Variants in SP140 observed in about 807,000 individuals in gnomAD.
SP140 encodes the protein SP140 nuclear body protein.
SP140 carries 81 observed loss-of-function variants against 125.0 expected under a neutral mutation model. The ratio of observed to expected loss-of-function variants is 0.65; its 90% confidence interval spans 0.54 to 0.78. The LOEUF (loss-of-function observed/expected upper bound fraction) is 0.78. Among genes scored for constraint, SP140 ranks in the 30% least tolerant of loss-of-function variants. The pLI is 0.00. For synonymous variants in SP140, 312 were observed against 354.0 expected (o/e 0.88, Z 1.33); for missense variants, 858 against 1,037.0 (o/e 0.83, Z 2.37).
At chr2:230,252,899 A>G (rs890533890) in intron 10 of SP140, among the ~76,000 whole-genome samples, 5 of 152,100 alleles carry the variant, frequency 3.3e-5, no homozygotes, top group Non-Finnish European at 7.4e-5. Flanking sequence ...TGAACCAGGG[A>G]TCAATGTAAG....
chr2:230,311,971 A>T (rs1256771558), intron 26 of SP140, among the ~76,000 whole-genome samples: 1 of 152,200 alleles, frequency 6.6e-6, no homozygotes, highest in Non-Finnish European at 1.5e-5. Context: ...GATTCTTTGC[A>T]TGTGAATAGA....
the SP140 span, among the ~76,000 whole-genome samples, chr2:230,194,763 A>C: frequency 6.6e-6 from 1 of 152,216 alleles, no homozygotes; most frequent in Non-Finnish European, 1.5e-5. Context: ...CTCTGACCCT[A>C]GACAGGAAAC....
chr2:230,288,932 G>A (rs578257208), intron 18 of SP140, among the ~76,000 whole-genome samples: 16 of 152,258 alleles, frequency 1.1e-4, no homozygotes, highest in Admixed American at 2.0e-4. Flanking sequence ...ATAAACACAC[G>A]TGTGTGTGTC....
At chr2:230,212,489 G>T in intron 1 of SP140, 1 of 1,376,636 alleles carries the variant, frequency 7.3e-7, no homozygotes, top group South Asian at 1.2e-5. Context: ...GGAGAAGAGT[G>T]AATGTTAAAA....
chr2:230,278,982 T>C (rs2149402304), intron 15 of SP140, among the ~76,000 whole-genome samples: 1 of 152,186 alleles, frequency 6.6e-6, no homozygotes, highest in Middle Eastern at 3.4e-3. Context: ...AACAAATGAA[T>C]TAGTAAGGTT....
chr2:230,216,667 C>G (rs973565920), intron 3 of SP140: 66 of 1,270,886 alleles, frequency 5.2e-5, no homozygotes, highest in Non-Finnish European at 6.9e-5. Flanking sequence ...AATGAACATG[C>G]CTGGGCTGGG....
chr2:230,223,987 T>C (rs78384679), upstream of SP140, among the ~76,000 whole-genome samples: 37 of 152,304 alleles, frequency 2.4e-4, 1 homozygote, highest in African/African-American at 8.2e-4. Context: ...CCAGAGATGG[T>C]CTGATGGTCC....
chr2:230,235,393 C>A (rs1451942488), intron 1 of SP140, among the ~76,000 whole-genome samples: 1 of 152,202 alleles, frequency 6.6e-6, no homozygotes, highest in East Asian at 1.9e-4. Flanking sequence ...ATCATTGTAA[C>A]TTTAATTCCT....
At chr2:230,250,153 T>C (rs2050139055) in intron 9 of SP140, among the ~76,000 whole-genome samples, 1 of 152,242 alleles carries the variant, frequency 6.6e-6, no homozygotes, top group South Asian at 2.1e-4. Flanking sequence ...GAATATCCTG[T>C]TTGCTCTTCT....
At chr2:230,258,349 T>C (rs2051606494) in intron 12 of SP140, among the ~76,000 whole-genome samples, 1 of 152,210 alleles carries the variant, frequency 6.6e-6, no homozygotes, top group Admixed American at 6.5e-5. Context: ...AAAGTAATGA[T>C]GTTTTACAAT....
intron 3 of SP140, among the ~76,000 whole-genome samples, chr2:230,215,899 A>C (rs2045110029): frequency 6.6e-6 from 1 of 152,208 alleles, no homozygotes; most frequent in South Asian, 2.1e-4. Context: ...TCTTCATGAG[A>C]TGAGTTGGCC....
At chr2:230,253,459 GT>G in intron 11 of SP140, 42 bp downstream of exon 11, 1 of 1,468,952 alleles carries the variant, frequency 6.8e-7, no homozygotes. Flanking sequence ...GTACATCTTT[GT>G]TTTCCAGTTG....
chr2:230,256,716 G>A (rs978417745), intron 12 of SP140, among the ~76,000 whole-genome samples: 4 of 152,094 alleles, frequency 2.6e-5, no homozygotes, highest in Admixed American at 2.6e-4. Context: ...ATAAAAAAGG[G>A]TATCATTCCT....
At chr2:230,205,804 T>C (rs1490179093) in intron 1 of SP140, among the ~76,000 whole-genome samples, 1 of 152,232 alleles carries the variant, frequency 6.6e-6, no homozygotes, top group Non-Finnish European at 1.5e-5. Context: ...TATGTGTTTC[T>C]TGAAGACAAA....
intron 1 of SP140, among the ~76,000 whole-genome samples, chr2:230,210,279 G>A (rs564920395): frequency 6.6e-6 from 1 of 152,340 alleles, no homozygotes; most frequent in Non-Finnish European, 1.5e-5. Context: ...GGATGGAAGA[G>A]AAGTGAGTGA....
At chr2:230,301,425 A>G (rs970882392) in intron 22 of SP140, among the ~76,000 whole-genome samples, 2 of 152,256 alleles carry the variant, frequency 1.3e-5, no homozygotes, top group Non-Finnish European at 2.9e-5. Flanking sequence ...TCTAATGATT[A>G]ACAGCAGACT....
chr2:230,285,971 A>C (rs1001482336), intron 17 of SP140, 139 bp downstream of exon 17: 20 of 642,834 alleles, frequency 3.1e-5, no homozygotes, highest in Admixed American at 8.2e-5. Flanking sequence ...CTAAAAGAGC[A>C]AACTCATTAT....
At chr2:230,298,617 C>T (rs1280698470) in intron 22 of SP140, among the ~76,000 whole-genome samples, 1 of 152,140 alleles carries the variant, frequency 6.6e-6, no homozygotes. Context: ...TATGGTCACC[C>T]CTGTTAATAA....
chr2:230,271,379 A>G (rs906563124), intron 15 of SP140, among the ~76,000 whole-genome samples: 1 of 152,156 alleles, frequency 6.6e-6, no homozygotes, highest in Non-Finnish European at 1.5e-5. Context: ...CATGGATGCT[A>G]AAGACTGTGC....
Sources: gnomAD v4.1 joint callset for allele counts (sites outside exome capture counted in the v4.1 genomes callset) on GRCh38, gnomAD v4.1.1 for gene constraint, MANE v1.5 for transcripts, NCBI Gene and HGNC (gene_info 2026-07-23, HGNC 2026-07-21) for gene names.